Variants in GAS7 observed in about 807,000 individuals in gnomAD.
The protein encoded by GAS7 is growth arrest specific 7, also known as growth arrest-specific protein 7.
GAS7 carries 28 observed loss-of-function variants against 71.1 expected under a neutral mutation model. The ratio of observed to expected loss-of-function variants is 0.39; its 90% confidence interval spans 0.29 to 0.54. The LOEUF (loss-of-function observed/expected upper bound fraction) is 0.54. Among genes scored for constraint, GAS7 ranks in the 20% least tolerant of loss-of-function variants. GAS7 has a pLI of 0.62. For missense variants in GAS7, 436 were observed against 627.8 expected, an observed-to-expected ratio of 0.69 and a Z score of 3.27; for synonymous variants, 258 against 245.8, an observed-to-expected ratio of 1.05 and a Z score of -0.46.
At chr17:10,158,344 A>AAAAAAAAAAAC (rs2074221849) in intron 1 of GAS7, among the ~76,000 whole-genome samples, 1 of 146,932 alleles carries the variant, frequency 6.8e-6, no homozygotes, top group African/African-American at 2.5e-5. Context: ...GGTAAAAAAA[A>AAAAAAAAAAAC]AAAAAAAAAA....
chr17:10,077,715 AC>A (rs1313134575), intron 1 of GAS7, among the ~76,000 whole-genome samples: 1 of 152,202 alleles, frequency 6.6e-6, no homozygotes, highest in Non-Finnish European at 1.5e-5. Flanking sequence ...CATAATGAAA[AC>A]AGGGCAATGA....
intron 1 of GAS7, among the ~76,000 whole-genome samples, chr17:10,113,202 T>C (rs1213718931): frequency 1.3e-5 from 2 of 152,126 alleles, no homozygotes; most frequent in Non-Finnish European, 2.9e-5. Context: ...CTGGCAAGGC[T>C]ATGGGAAAGC....
chr17:10,175,027 T>A (rs1054423791), intron 1 of GAS7, among the ~76,000 whole-genome samples: 1 of 151,960 alleles, frequency 6.6e-6, no homozygotes, highest in Non-Finnish European at 1.5e-5. Flanking sequence ...TTATTTTCTA[T>A]AGAGATGGGG....
intron 8 of GAS7, among the ~76,000 whole-genome samples, chr17:9,939,185 A>T (rs964522941): frequency 6.6e-6 from 1 of 152,168 alleles, no homozygotes; most frequent in Non-Finnish European, 1.5e-5. Context: ...TCACATGGTA[A>T]TTCTATGTTT....
chr17:10,139,842 C>T (rs895371444), intron 1 of GAS7, among the ~76,000 whole-genome samples: 3 of 152,240 alleles, frequency 2.0e-5, no homozygotes, highest in African/African-American at 4.8e-5. Context: ...AAAGCAGTGG[C>T]TAGGCCCACA....
Position 9,915,603 on chromosome 17 carries a change from C to G in GAS7, c.*1625G>C, listed in dbSNP as rs757538235. On this transcript the variant is annotated 3_prime_UTR_variant, in exon 14 of 14. Coordinates refer to ENST00000432992, the MANE Select transcript of GAS7 (RefSeq NM_201433.2). ...TAATGTGAACTATACGAAAGCAATT[C>G]TCATTCAATGAAAGAGGCGCCAAAA... 4.4e-6 allele frequency: 1 copy of G among 227,064 alleles called. No homozygotes were observed. Among genetic ancestry groups the G allele is most frequent in the Non-Finnish European group, 8.8e-6 (1 of 114,274 alleles). The allele number at this position is 227,064 out of a possible 1,614,324, so 14.1% of individuals were successfully genotyped here.
At position 10,153,038 on chromosome 17, in the gene GAS7, CAAAAAAAA is replaced by C. The variant is rs397857973; in HGVS notation, c.183+45162_183+45169del. 6.4e-4 allele frequency among the ~76,000 whole-genome samples: 49 copies of C among 75,978 alleles called. 1 individual carries two copies. In the East Asian group the frequency reaches 8.9e-3, roughly 14 times the overall value. The allele number at this position is 75,978 out of a possible 152,430, so 49.8% of individuals were successfully genotyped here. A position where few individuals can be genotyped will look rare whatever the true frequency, so the allele number is the denominator to read the frequency against. On this transcript the variant is annotated intron_variant, in intron 1 of 13. Coordinates refer to ENST00000432992, the MANE Select transcript of GAS7 (RefSeq NM_201433.2). ...TAAAACCCCATCCCCACTAAAAATA[CAAAAAAAA>C]AAAAAAAAAAAAATTAGCTGGGCAT...
rs2072736828 is a variant in GAS7 at position 10,035,892 on chromosome 17, C to A, written c.184-15995G>T. ...AGGTACTTCTGCTAGGGAGCCATGA[C>A]CCCAGGAGCTCCCACTTACCTTCAT... On this transcript the variant is annotated intron_variant, in intron 1 of 13. Transcript: ENST00000432992. Among the ~76,000 whole-genome samples, 4 of 152,318 alleles carry A rather than the reference C, an allele frequency of 2.6e-5. No individual in the cohort carries two copies. The South Asian group carries it at 8.3e-4, about 32-fold the overall frequency.
chr17:10,044,988 C>A (rs1197280490), intron 1 of GAS7, among the ~76,000 whole-genome samples: 2 of 139,256 alleles, frequency 1.4e-5, no homozygotes, highest in African/African-American at 2.8e-5. Flanking sequence ...TGGCAGTGAG[C>A]AGAGATCGTG....
At chr17:10,005,247 A>ATGTG (rs1491540249) in intron 2 of GAS7, among the ~76,000 whole-genome samples, 1 of 149,872 alleles carries the variant, frequency 6.7e-6, no homozygotes, top group East Asian at 2.0e-4. Flanking sequence ...GCGCGCATGC[A>ATGTG]TGTGTGTGCA....
At chr17:10,063,320 G>A (rs2073241124) in intron 1 of GAS7, among the ~76,000 whole-genome samples, 1 of 152,186 alleles carries the variant, frequency 6.6e-6, no homozygotes, top group African/African-American at 2.4e-5. Context: ...GCGTGCGCAT[G>A]ATACTCACAA....
At chr17:10,196,574 G>A (rs566883443) in intron 1 of GAS7, among the ~76,000 whole-genome samples, 19 of 152,146 alleles carry the variant, frequency 1.2e-4, no homozygotes, top group African/African-American at 4.1e-4. Flanking sequence ...CTGGTCCATC[G>A]TCCCTTTCCC....
At chr17:10,161,116 T>C (rs2074253155) in intron 1 of GAS7, among the ~76,000 whole-genome samples, 1 of 152,134 alleles carries the variant, frequency 6.6e-6, no homozygotes, top group Non-Finnish European at 1.5e-5. Context: ...TTTTTGTTTG[T>C]TTTTTGCTAG....
Position 9,919,693 on chromosome 17 carries a change from A to G in GAS7, c.1151T>C (p.Met384Thr). 6.2e-7 allele frequency: 1 copy of G among 1,613,306 alleles called. No individual in the cohort carries two copies. Among genetic ancestry groups the G allele is most frequent in the Non-Finnish European group, 8.5e-7 (1 of 1,179,220 alleles). ...CTGGTTGTAGAGATCCACACAGCGC[A>G]TGAGGTCGTCTCCTGGAAAAAGACC... ...RKSTQAGDDL[M>T]RCVDLYNQAQ... is the part of the protein sequence containing the mutation. The change falls in exon 12 of 14, where the codon ATG becomes ACG. Residue 384 changes from methionine (M) to threonine (T), a missense_variant. Met to Thr is a moderately conservative substitution (Grantham distance 81, BLOSUM62 -1). Coordinates refer to ENST00000432992, the MANE Select transcript of GAS7 (RefSeq NM_201433.2). The surrounding 1 kb of genome is among the most constrained non-coding windows in gnomAD (Gnocchi z 5.0).
In GAS7 at chr17:10,158,970, T is replaced by C. The variant is rs1301509045; in HGVS notation, c.183+39238A>G. On this transcript the variant is annotated intron_variant, in intron 1 of 13. Transcript: ENST00000432992. The stretch of plus-strand genomic sequence containing the variant: ...TACTCGGGAGGCTGAGGTGAGAGGA[T>C]CATCACCTGAGCCCAGGAAGTGGAG... Among the ~76,000 whole-genome samples the C allele has an allele frequency of 3.4e-5, 5 of 148,078 alleles. No individual in the cohort carries two copies. The Admixed American group carries it at 3.4e-4, about 10-fold the overall frequency.
chr17:10,067,642 T>C (rs1226007727), intron 1 of GAS7, among the ~76,000 whole-genome samples: 1 of 152,200 alleles, frequency 6.6e-6, no homozygotes, highest in Admixed American at 6.5e-5. Context: ...AATACCTGCC[T>C]GGTGATTCAC....
At chr17:10,175,128 G>C (rs771638816) in intron 1 of GAS7, among the ~76,000 whole-genome samples, 3 of 151,972 alleles carry the variant, frequency 2.0e-5, no homozygotes, top group Non-Finnish European at 4.4e-5. Flanking sequence ...TTATGGGCAC[G>C]AGCCACCACG....
At chr17:10,055,071 G>A (rs899604373) in intron 1 of GAS7, among the ~76,000 whole-genome samples, 20 of 152,192 alleles carry the variant, frequency 1.3e-4, no homozygotes, top group Non-Finnish European at 1.6e-4. Flanking sequence ...CACACATCAA[G>A]CAGGCTGATA....
chr17:10,079,933 T>C (rs964287923), intron 1 of GAS7, among the ~76,000 whole-genome samples: 1 of 152,206 alleles, frequency 6.6e-6, no homozygotes, highest in Non-Finnish European at 1.5e-5. Context: ...AAAAGACTTA[T>C]ATGGAGACAA....
Sources: allele counts gnomAD v4.1 joint callset (sites outside exome capture counted in the v4.1 genomes callset), GRCh38; gene constraint gnomAD v4.1.1; non-coding constraint Gnocchi (gnomAD v3.1); transcripts MANE v1.5; gene names NCBI Gene and HGNC (gene_info 2026-07-23, HGNC 2026-07-21).